KPNA1: variants seen among roughly 807,000 people sequenced by gnomAD.
The protein encoded by KPNA1 is karyopherin subunit alpha 1.
A neutral mutation model predicts 70.5 loss-of-function variants in KPNA1; 10 were observed. The ratio of observed to expected loss-of-function variants is 0.14; its 90% CI spans 0.09 to 0.24. The LOEUF (loss-of-function observed/expected upper bound fraction) is 0.24, where lower values mean the gene tolerates loss of function less well. KPNA1 is among the 10% of genes least tolerant of loss of function. The probability of loss-of-function intolerance (pLI) is 1.00; values close to 1 mark genes in which losing one functional copy is unlikely to be tolerated. For missense variants in KPNA1, 397 were observed against 637.9 expected, an observed-to-expected ratio of 0.62 and a Z score of 4.07; for synonymous variants, 192 against 221.9, an observed-to-expected ratio of 0.87 and a Z score of 1.20.
intron 5 of KPNA1, chr3:122,460,648 G>GA (rs1218854248): frequency 0.15 from 68,543 of 466,220 alleles, 4 homozygotes; most frequent in Middle Eastern, 0.18. Flanking sequence ...AGAAAAAGAA[G>GA]AAAAAAAAAA....
chr3:122,447,470 C>CA (rs1444183913), intron 9 of KPNA1, among the ~76,000 whole-genome samples: 2 of 152,200 alleles, frequency 1.3e-5, no homozygotes, highest in Admixed American at 1.3e-4. Flanking sequence ...CAAAATTCAA[C>CA]AGCCCTTCAT....
rs1415849992 is a variant in KPNA1 at position 122,425,486 on chromosome 3, C to CA, written c.*1498dup. On this transcript the variant is annotated 3_prime_UTR_variant, in exon 14 of 14. Transcript: ENST00000344337. Reference sequence around the variant, plus strand: ...GAATTCACTTTGAACAGCACATCAACAAAAAAATCTTCTCTGGTAGTGTAT... The same window carrying CA: ...GAATTCACTTTGAACAGCACATCAACAAAAAAAATCTTCTCTGGTAGTGTAT... The CA allele has an allele frequency of 2.0e-5, 3 of 152,538 alleles. No individual in the cohort carries two copies. The highest frequency in any genetic ancestry group is 6.5e-5 in the Admixed American group (1 of 15,272). The allele number at this position is 152,538 out of a possible 1,614,324, so 9.4% of individuals were successfully genotyped here.
At chr3:122,491,478 T>C (rs2076697192) in intron 2 of KPNA1, among the ~76,000 whole-genome samples, 2 of 152,210 alleles carry the variant, frequency 1.3e-5, no homozygotes, top group Admixed American at 6.5e-5. Context: ...CGGCCGTTGG[T>C]TAAACAGGTG....
intron 4 of KPNA1, among the ~76,000 whole-genome samples, chr3:122,463,003 A>G (rs1481419122): frequency 6.6e-6 from 1 of 152,146 alleles, no homozygotes; most frequent in Non-Finnish European, 1.5e-5. Flanking sequence ...CAGACGGATC[A>G]TGATAGGATA....
chr3:122,461,289 T>C lies in KPNA1; in HGVS notation c.367A>G (p.Ser123Gly), dbSNP rs2076321223. The C allele has an allele frequency of 6.2e-7, 1 of 1,612,992 alleles. No individual in the cohort carries two copies. Among genetic ancestry groups the C allele is most frequent in the Non-Finnish European group, 8.5e-7 (1 of 1,179,274 alleles). The change falls in exon 5 of 14, where the codon AGC becomes GGC. Residue 123 changes from serine (S) to glycine (G), a missense_variant. Ser to Gly is a moderately conservative substitution (Grantham distance 56, BLOSUM62 0). Coordinates refer to ENST00000344337, the MANE Select transcript of KPNA1 (RefSeq NM_002264.4). ...AACCTGGCCACTACTCCTGGTGTGC[T>C]GATAACTTCATCAATAGGAGGGTTA... ...EPNPPIDEVI[S>G]TPGVVARFVE...
chr3:122,482,967 C>T, intron 2 of KPNA1: 1 of 152,760 alleles, frequency 6.5e-6, no homozygotes. Context: ...CGCGCCTCTC[C>T]ACCACCAAAA....
At chr3:122,455,714 C>A (rs1224860063) in intron 5 of KPNA1, among the ~76,000 whole-genome samples, 3 of 152,106 alleles carry the variant, frequency 2.0e-5, no homozygotes, top group Non-Finnish European at 4.4e-5. Context: ...TGCCACCACG[C>A]CCGGCTAATT....
chr3:122,446,995 C>A (rs7630379), intron 9 of KPNA1, among the ~76,000 whole-genome samples: 21,152 of 152,082 alleles, frequency 0.14, 1,578 homozygotes, highest in East Asian at 0.32. Flanking sequence ...TTGAATAGAC[C>A]AATAACAGGC....
chr3:122,456,606 A>G (rs988198559), intron 5 of KPNA1, among the ~76,000 whole-genome samples: 17 of 152,238 alleles, frequency 1.1e-4, no homozygotes, highest in Admixed American at 1.0e-3. Flanking sequence ...ACACAAGTTA[A>G]TAAAATAGAG....
intron 2 of KPNA1, among the ~76,000 whole-genome samples, chr3:122,476,655 G>GA (rs1307879086): frequency 6.6e-6 from 1 of 151,366 alleles, no homozygotes; most frequent in East Asian, 1.9e-4. Context: ...ATAAGTATAT[G>GA]AAAAAAATGC....
intron 2 of KPNA1, among the ~76,000 whole-genome samples, chr3:122,491,678 G>A (rs1452331880): frequency 6.6e-6 from 1 of 152,080 alleles, no homozygotes; most frequent in Non-Finnish European, 1.5e-5. Flanking sequence ...CAGCATGATG[G>A]ACAACTGTGA....
chr3:122,510,067 G>C (rs964391128), intron 1 of KPNA1, among the ~76,000 whole-genome samples: 2 of 152,148 alleles, frequency 1.3e-5, no homozygotes, highest in Non-Finnish European at 2.9e-5. Context: ...ATAGAACTAT[G>C]ACTTGCAAAC....
intron 2 of KPNA1, among the ~76,000 whole-genome samples, chr3:122,475,299 C>G (rs1212183558): frequency 6.6e-6 from 1 of 152,018 alleles, no homozygotes; most frequent in Non-Finnish European, 1.5e-5. Flanking sequence ...TAAATTTAGC[C>G]AAGGAGGTGA....
chr3:122,437,088 A>G, intron 11 of KPNA1, 82 bp downstream of exon 11: 9 of 1,446,730 alleles, frequency 6.2e-6, no homozygotes, highest in Non-Finnish European at 8.5e-6. Flanking sequence ...CCAAAAACAA[A>G]TGTGTTTTAA....
Position 122,449,620 on chromosome 3 carries a change from C to T in KPNA1, c.871G>A (p.Ala291Thr), listed in dbSNP as rs142297776. ...LSDGPNDKIQAVIDAGVCRRL... is the reference protein window; with the variant it reads ...LSDGPNDKIQTVIDAGVCRRL... ...CTACATACTCCCGCATCGATGACCG[C>T]TTGAATTTTATCATTGGGTCCATCT... The change falls in exon 9 of 14, where the codon GCG (alanine) becomes ACG (threonine). Residue 291 changes from alanine to threonine, a missense_variant. Coordinates refer to ENST00000344337, the MANE Select transcript of KPNA1 (RefSeq NM_002264.4). 18 of 1,613,844 alleles carry T rather than the reference C, an allele frequency of 1.1e-5. No homozygotes were observed. In the Admixed American group the frequency reaches 1.3e-4, roughly 12 times the overall value.
intron 2 of KPNA1, among the ~76,000 whole-genome samples, chr3:122,479,919 T>C (rs1468391769): frequency 6.6e-6 from 1 of 152,168 alleles, no homozygotes; most frequent in African/African-American, 2.4e-5. Context: ...AATCCAGATG[T>C]CTTTCAGCAG....
At chr3:122,494,321 T>C (rs1015597046) in intron 2 of KPNA1, among the ~76,000 whole-genome samples, 1 of 152,316 alleles carries the variant, frequency 6.6e-6, no homozygotes. Flanking sequence ...TTGTATATGG[T>C]AGGGGTACAG....
At chr3:122,494,006 G>A (rs903956901) in intron 2 of KPNA1, among the ~76,000 whole-genome samples, 2 of 152,080 alleles carry the variant, frequency 1.3e-5, no homozygotes, top group Non-Finnish European at 2.9e-5. Context: ...TTTTAATGGA[G>A]TTGTTTTTTT....
intron 8 of KPNA1, among the ~76,000 whole-genome samples, chr3:122,450,735 C>A (rs2076192165): frequency 6.6e-6 from 1 of 152,188 alleles, no homozygotes; most frequent in Non-Finnish European, 1.5e-5. Flanking sequence ...CCATTTGATG[C>A]ACCAGTCCCA....
Sources: gnomAD v4.1 joint callset for allele counts (sites outside exome capture counted in the v4.1 genomes callset) on GRCh38, gnomAD v4.1.1 for gene constraint, MANE v1.5 for transcripts, NCBI Gene and HGNC (gene_info 2026-07-23, HGNC 2026-07-21) for gene names.